Variants in ALDH1A1 observed in about 807,000 individuals in gnomAD.
ALDH1A1 encodes the protein aldehyde dehydrogenase 1A1.
ALDH1A1 carries 19 observed loss-of-function variants against 62.1 expected under a neutral mutation model. The ratio of observed to expected loss-of-function variants is 0.31; its 90% confidence interval spans 0.21 to 0.45. The LOEUF (loss-of-function observed/expected upper bound fraction) is 0.45. Among genes scored for constraint, ALDH1A1 ranks in the 20% least tolerant of loss-of-function variants. The pLI is 1.00. For synonymous variants in ALDH1A1, 231 were observed against 215.9 expected (o/e 1.07, Z -0.61); for missense variants, 521 against 607.1 (o/e 0.86, Z 1.49).
In ALDH1A1 at chr9:72,918,709, T is replaced by A; in HGVS notation, c.850+11A>T. On this transcript the variant is annotated intron_variant, in intron 8 of 12. Transcript: ENST00000297785. ...GAAGGACGAAAAGTTAACAAAGTGG[T>A]TTCTACTCACAGTCGGCATCAGCTA... The A allele has an allele frequency of 3.2e-6, 5 of 1,582,480 alleles. No individual in the cohort carries two copies. Among genetic ancestry groups the A allele is most frequent in the Non-Finnish European group, 3.4e-6 (4 of 1,161,792 alleles).
intron 12 of ALDH1A1, 34 bp from the exon 13 acceptor site, chr9:72,901,314 T>C (rs1829800834): frequency 7.0e-7 from 1 of 1,438,114 alleles, no homozygotes; most frequent in African/African-American, 1.4e-5. Context: ...ACAAACACCA[T>C]TTAGCACAGC....
chr9:72,926,656 T>A (rs1311925101), intron 5 of ALDH1A1, among the ~76,000 whole-genome samples: 1 of 152,236 alleles, frequency 6.6e-6, no homozygotes, highest in East Asian at 1.9e-4. Context: ...AAAATGTGTG[T>A]CATGAGTTGA....
At chr9:72,929,386 A>G (rs892950778) in intron 3 of ALDH1A1, among the ~76,000 whole-genome samples, 7 of 152,236 alleles carry the variant, frequency 4.6e-5, no homozygotes, top group Admixed American at 1.3e-4. Flanking sequence ...CTTATTTTGT[A>G]ATCAACTGTG....
chr9:72,902,966 T>TA (rs35186484), intron 12 of ALDH1A1, among the ~76,000 whole-genome samples: 83 of 142,312 alleles, frequency 5.8e-4, no homozygotes, highest in Middle Eastern at 7.0e-3. Flanking sequence ...GTCCACACTG[T>TA]AAAAAAAAAA....
intron 10 of ALDH1A1, among the ~76,000 whole-genome samples, chr9:72,910,497 A>G (rs1829969248): frequency 1.3e-5 from 2 of 152,082 alleles, no homozygotes; most frequent in Non-Finnish European, 2.9e-5. Flanking sequence ...AAAAATCACA[A>G]TTTGCTTATT....
rs533507182 is a variant in ALDH1A1, at chr9:72,949,445, GCATTGGCAGTGTAGCTTTGTCACTTA to G, written c.66+3464_66+3489del. Among the ~76,000 whole-genome samples the G allele has an allele frequency of 2.9e-4, 44 of 151,994 alleles. 1 individual carries two copies. The South Asian group carries it at 8.9e-3, about 31-fold the overall frequency. On this transcript the variant is annotated intron_variant, in intron 1 of 12. Transcript: ENST00000297785. Reference sequence around the variant, plus strand: ...GCTAGTGTGTTAGCTCAAACTGCCAGCATTGGCAGTGTAGCTTTGTCACTTACTTGCTGTGTAACTTTAGTAAGTTA... The same window carrying G: ...GCTAGTGTGTTAGCTCAAACTGCCAGCTTGCTGTGTAACTTTAGTAAGTTA...
chr9:72,941,902 A>C (rs1193371663), intron 1 of ALDH1A1, among the ~76,000 whole-genome samples: 1 of 152,192 alleles, frequency 6.6e-6, no homozygotes, highest in Non-Finnish European at 1.5e-5. Flanking sequence ...ACACATGGGC[A>C]TGCCTAAATA....
chr9:72,951,488 T>C (rs996878220), intron 1 of ALDH1A1, among the ~76,000 whole-genome samples: 9 of 151,594 alleles, frequency 5.9e-5, no homozygotes, highest in African/African-American at 9.7e-5. Context: ...ACTACCAAAA[T>C]ATCTTCCTAG....
At chr9:72,942,254 T>C (rs896931642) in intron 1 of ALDH1A1, 2 of 976,602 alleles carry the variant, frequency 2.0e-6, no homozygotes. Context: ...AGCTTAGTAT[T>C]TTTCTTCTCA....
Position 72,908,506 on chromosome 9 carries a change from CGAAAGAAAGAAA to C in ALDH1A1, c.1358+1084_1358+1095del, listed in dbSNP as rs35843379. Among the ~76,000 whole-genome samples, 200 of 63,044 alleles carry C rather than the reference CGAAAGAAAGAAA, an allele frequency of 3.2e-3. 9 individuals carry two copies. Among genetic ancestry groups the C allele is most frequent in the South Asian group, 2.6e-3 (4 of 1,552 alleles). The allele number at this position is 63,044 out of a possible 152,430, so 41.4% of individuals were successfully genotyped here. On this transcript the variant is annotated intron_variant, in intron 11 of 12. Coordinates refer to ENST00000297785, the MANE Select transcript of ALDH1A1 (RefSeq NM_000689.5). ...AGAAAGAGAAAGAGAGAGAGAGAGA[CGAAAGAAAGAAA>C]GAAAGAAAGAAAGAAAGAAAGAAAG...
chr9:72,924,454 A>T (rs936568543), intron 6 of ALDH1A1, among the ~76,000 whole-genome samples: 1 of 152,248 alleles, frequency 6.6e-6, no homozygotes, highest in Non-Finnish European at 1.5e-5. Flanking sequence ...TTGGTAAGTT[A>T]CTTATGTAGA....
At chr9:72,941,759 C>T (rs1394653361) in intron 1 of ALDH1A1, among the ~76,000 whole-genome samples, 1 of 152,112 alleles carries the variant, frequency 6.6e-6, no homozygotes. Context: ...GAGGATAAGC[C>T]GTCTTGTTTG....
At chr9:72,913,961 T>A (rs150346175) in intron 9 of ALDH1A1, among the ~76,000 whole-genome samples, 32 of 152,344 alleles carry the variant, frequency 2.1e-4, no homozygotes, top group Non-Finnish European at 3.8e-4. Flanking sequence ...AATACAGACC[T>A]TCTTCAGAAG....
At chr9:72,908,484 AAGAGAAAGAGAG>A (rs1469880943) in intron 11 of ALDH1A1, among the ~76,000 whole-genome samples, 6 of 143,878 alleles carry the variant, frequency 4.2e-5, no homozygotes, top group African/African-American at 1.6e-4. Context: ...AAAAGAGAGA[AAGAGAAAGAGAG>A]AGAGAGAGAC....
chr9:72,942,341 AC>A (rs1830424103), intron 1 of ALDH1A1: 1 of 985,134 alleles, frequency 1.0e-6, no homozygotes, highest in African/African-American at 1.7e-5. Context: ...TGCTGCTCTC[AC>A]CCCAAAGTTC....
chr9:72,938,474 T>G (rs1266129037), intron 2 of ALDH1A1, among the ~76,000 whole-genome samples: 1 of 152,098 alleles, frequency 6.6e-6, no homozygotes, highest in Non-Finnish European at 1.5e-5. Flanking sequence ...TGAGACGGAG[T>G]TTCGCTCTTG....
chr9:72,907,627 A>T (rs1276454583), intron 11 of ALDH1A1, among the ~76,000 whole-genome samples: 2 of 152,250 alleles, frequency 1.3e-5, no homozygotes, highest in Admixed American at 1.3e-4. Flanking sequence ...GAACTGAGAA[A>T]TGTTCACTTG....
At chr9:72,925,992 C>T (rs974991709) in intron 5 of ALDH1A1, among the ~76,000 whole-genome samples, 1 of 152,084 alleles carries the variant, frequency 6.6e-6, no homozygotes, top group Non-Finnish European at 1.5e-5. Flanking sequence ...ATTATTTACC[C>T]AATAATATTA....
intron 1 of ALDH1A1, among the ~76,000 whole-genome samples, chr9:72,950,068 G>A (rs989875583): frequency 2.6e-5 from 4 of 151,686 alleles, no homozygotes; most frequent in Non-Finnish European, 5.9e-5. Flanking sequence ...AACAGGTCTA[G>A]GAAAGGTTGG....
Sources: allele counts gnomAD v4.1 joint callset (sites outside exome capture counted in the v4.1 genomes callset), GRCh38; gene constraint gnomAD v4.1.1; transcripts MANE v1.5; gene names NCBI Gene and HGNC (gene_info 2026-07-23, HGNC 2026-07-21).